Variants in ATXN10 observed in about 807,000 individuals in gnomAD.
ATXN10 encodes the protein ataxin-10.
ATXN10 carries 28 observed loss-of-function variants against 52.9 expected under a neutral mutation model. The observed-to-expected ratio is 0.53, with a 90% CI of 0.39 to 0.73. ATXN10 has a LOEUF of 0.73. Among genes scored for constraint, ATXN10 ranks in the 30% least tolerant of loss-of-function variants. The pLI is 0.00. For missense variants in ATXN10, 565 were observed against 577.0 expected (o/e 0.98, Z 0.21); for synonymous variants, 226 against 221.5 (o/e 1.02, Z -0.18).
intron 10 of ATXN10, among the ~76,000 whole-genome samples, chr22:45,814,197 C>G (rs1351318164): frequency 1.3e-5 from 2 of 152,204 alleles, no homozygotes; most frequent in African/African-American, 2.4e-5. Context: ...AAAACACTAA[C>G]TGTAAGAGAA....
chr22:45,794,142 G>A (rs1321714984), intron 9 of ATXN10, among the ~76,000 whole-genome samples: 1 of 152,170 alleles, frequency 6.6e-6, no homozygotes. Context: ...TGACATATTG[G>A]TGGGTATGTC....
chr22:45,743,728 A>C (rs904812419), intron 9 of ATXN10, among the ~76,000 whole-genome samples: 9 of 152,208 alleles, frequency 5.9e-5, no homozygotes, highest in African/African-American at 2.2e-4. Context: ...AGTGTTTACT[A>C]TGTCCTTGCA....
Position 45,773,445 on chromosome 22 carries a change from ATTAT to A in ATXN10, c.1173+32934_1173+32937del, listed in dbSNP as rs111706438. 6.5e-3 allele frequency among the ~76,000 whole-genome samples: 966 copies of A among 149,372 alleles called. 7 individuals are homozygous for A. Among genetic ancestry groups the A allele is most frequent in the South Asian group, 0.016 (74 of 4,676 alleles). ...GAACCTACTTTTTACTGAATGAAGA[ATTAT>A]TTATTTATTTATTTATTTATTTATT... is the stretch of plus-strand genomic sequence containing the variant. On this transcript the variant is annotated intron_variant, in intron 9 of 11. Transcript: ENST00000252934.
At chr22:45,813,746 A>G (rs1256509506) in intron 10 of ATXN10, among the ~76,000 whole-genome samples, 1 of 152,192 alleles carries the variant, frequency 6.6e-6, no homozygotes, top group African/African-American at 2.4e-5. Flanking sequence ...AAATGTTATC[A>G]TGCCTATAAA....
chr22:45,692,911 G>A, intron 2 of ATXN10, 85 bp from the exon 3 acceptor site: 1 of 1,084,098 alleles, frequency 9.2e-7, no homozygotes, highest in Non-Finnish European at 1.4e-6. Flanking sequence ...AGATTTCTCA[G>A]CTCTCCCATT....
Position 45,729,573 on chromosome 22 carries a change from G to T in ATXN10, c.877G>T (p.Glu293Ter). 6.2e-7 allele frequency: 1 copy of T among 1,614,090 alleles called. No individual in the cohort carries two copies. The highest frequency in any genetic ancestry group is 8.5e-7 in the Non-Finnish European group (1 of 1,180,028). ...CKTVLKLASE[E>*]PPDDEEALAT... ...GACTGTGCTCAAGCTGGCCTCTGAG[G>T]AGCCTCCTGATGATGAGGTAAGGGA... Residue 293 changes from glutamate (E) to a stop codon, truncating the protein, a stop_gained, in exon 7 of 12, where the codon GAG (glutamate) becomes TAG (stop). Coordinates refer to ENST00000252934, the MANE Select transcript of ATXN10 (RefSeq NM_013236.4). LOFTEE classifies it high-confidence loss of function.
At chr22:45,793,935 A>G (rs142782943) in intron 9 of ATXN10, among the ~76,000 whole-genome samples, 11 of 152,380 alleles carry the variant, frequency 7.2e-5, no homozygotes, top group Non-Finnish European at 1.6e-4. Flanking sequence ...GGGCTGCCCT[A>G]TAGGCAGTGT....
At chr22:45,724,296 G>A (rs1438449300) in intron 6 of ATXN10, among the ~76,000 whole-genome samples, 2 of 152,088 alleles carry the variant, frequency 1.3e-5, no homozygotes, top group Middle Eastern at 3.2e-3. Flanking sequence ...CATTGTATAT[G>A]CGTTCCTTTT....
At chr22:45,758,920 A>T (rs1271088590) in intron 9 of ATXN10, among the ~76,000 whole-genome samples, 1 of 152,246 alleles carries the variant, frequency 6.6e-6, no homozygotes, top group Non-Finnish European at 1.5e-5. Flanking sequence ...TTATGGAGTC[A>T]TAAATCATGA....
In ATXN10 at chr22:45,795,597, C is replaced by T. The variant is rs781515458; in HGVS notation, c.1174-11362C>T. 3.9e-5 allele frequency among the ~76,000 whole-genome samples: 6 copies of T among 152,020 alleles called. No individual in the cohort carries two copies. Among genetic ancestry groups the T allele is most frequent in the Non-Finnish European group, 5.9e-5 (4 of 68,002 alleles). The stretch of plus-strand genomic sequence containing the variant: ...CTAATTTTTGTATTTTTAGTAGAGA[C>T]GGTGTTTCGGGAAGTCAGGGACCCT... On this transcript the variant is annotated intron_variant, in intron 9 of 11. Transcript: ENST00000252934. The surrounding 1 kb of genome is among the most constrained non-coding windows in gnomAD (Gnocchi z 4.6).
rs1029558671 is a variant in ATXN10, at chr22:45,688,916, A to G, written c.117-796A>G. Among the ~76,000 whole-genome samples, 1 of 152,224 alleles carries G rather than the reference A, an allele frequency of 6.6e-6. No individual in the cohort carries two copies. Among genetic ancestry groups the G allele is most frequent in the Non-Finnish European group, 1.5e-5 (1 of 68,038 alleles). On this transcript the variant is annotated intron_variant, in intron 1 of 11. Coordinates refer to ENST00000252934, the MANE Select transcript of ATXN10 (RefSeq NM_013236.4). This position sits in a 1 kb window ranked among gnomAD's most constrained non-coding sequence, Gnocchi z 4.0. ...TGCATTTAGGTGCAATGTTGCACAA[A>G]AAATTCTTATCTTTAGAGCTCTGGA...
At position 45,795,415 on chromosome 22, in the gene ATXN10, A is replaced by ATTCTATTCTATTCTATTCTG. The variant is rs747787715; in HGVS notation, c.1174-11535_1174-11534insATTCTATTCTGTTCTATTCT. Among the ~76,000 whole-genome samples, 2 of 134,076 alleles carry ATTCTATTCTATTCTATTCTG rather than the reference A, an allele frequency of 1.5e-5. No individual in the cohort carries two copies. The highest frequency in any genetic ancestry group is 5.7e-5 in the African/African-American group (2 of 35,282). 88.0% of individuals were successfully genotyped at this position (134,076 alleles called of 152,430 possible). ...ATTCTATTCTATTCTATTCTATTCT[A>ATTCTATTCTATTCTATTCTG]TTCTATTCTTTTTGAGATGAAGTCT... On this transcript the variant is annotated intron_variant, in intron 9 of 11. Coordinates refer to ENST00000252934, the MANE Select transcript of ATXN10 (RefSeq NM_013236.4). The surrounding 1 kb of genome is among the most constrained non-coding windows in gnomAD (Gnocchi z 4.6).
intron 2 of ATXN10, among the ~76,000 whole-genome samples, chr22:45,692,002 T>C (rs1923401697): frequency 6.6e-6 from 1 of 152,252 alleles, no homozygotes; most frequent in Admixed American, 6.5e-5. Context: ...TTCCTGAGTA[T>C]CAGTTTTGTC....
intron 2 of ATXN10, among the ~76,000 whole-genome samples, chr22:45,692,464 G>A (rs530998650): frequency 3.9e-5 from 6 of 152,098 alleles, no homozygotes; most frequent in African/African-American, 1.4e-4. Flanking sequence ...CAACCATTTA[G>A]GGCAGCAATT....
In ATXN10 at chr22:45,784,982, T is replaced by C. The variant is rs189578909; in HGVS notation, c.1174-21977T>C. Among the ~76,000 whole-genome samples, 51 of 152,296 alleles carry C rather than the reference T, an allele frequency of 3.3e-4. No homozygotes were observed. In the East Asian group the frequency reaches 6.9e-3, roughly 21 times the overall value. The stretch of plus-strand genomic sequence containing the variant: ...AAGTATGACATTGTAGATGATGCAT[T>C]ATGGGTGGGGATTGCACCCCAAGTA... On this transcript the variant is annotated intron_variant, in intron 9 of 11. Coordinates refer to ENST00000252934, the MANE Select transcript of ATXN10 (RefSeq NM_013236.4). The surrounding 1 kb of genome is among the most constrained non-coding windows in gnomAD (Gnocchi z 4.2).
chr22:45,737,936 C>T (rs897801380), intron 7 of ATXN10, among the ~76,000 whole-genome samples: 6 of 152,076 alleles, frequency 3.9e-5, no homozygotes, highest in African/African-American at 1.4e-4. Context: ...CTCTTGACCT[C>T]AAGTGATCTT....
chr22:45,697,037 T>C (rs1923634967), intron 3 of ATXN10, among the ~76,000 whole-genome samples: 1 of 152,236 alleles, frequency 6.6e-6, no homozygotes, highest in Non-Finnish European at 1.5e-5. Flanking sequence ...TTTTTATTGA[T>C]GTGAGATTCA....
chr22:45,672,073 C>T lies in ATXN10; in HGVS notation c.10C>T (p.Pro4Ser). The T allele has an allele frequency of 1.3e-6, 2 of 1,537,458 alleles. No homozygotes were observed. Among genetic ancestry groups the T allele is most frequent in the Non-Finnish European group, 1.7e-6 (2 of 1,145,284 alleles). The change falls in exon 1 of 12, where the codon CCC becomes TCC. Residue 4 changes from proline to serine, a missense_variant. By Grantham distance (74) the Pro-to-Ser change is moderately conservative. Coordinates refer to ENST00000252934, the MANE Select transcript of ATXN10 (RefSeq NM_013236.4). ...AGCTGTGAGCGGCAAGATGGCGGCG[C>T]CCAGGCCGCCGCCTGCCAGGCTGTC... MAA[P>S]RPPPARLSGV... is the part of the protein sequence containing the mutation.
rs1323084625 is a variant in ATXN10 at position 45,718,692 on chromosome 22, A to G, written c.728+199A>G. 6.6e-6 allele frequency among the ~76,000 whole-genome samples: 1 copy of G among 152,210 alleles called. No individual in the cohort carries two copies. The highest frequency in any genetic ancestry group is 2.4e-5 in the African/African-American group (1 of 41,454). On this transcript the variant is annotated intron_variant, in intron 6 of 11. Coordinates refer to ENST00000252934, the MANE Select transcript of ATXN10 (RefSeq NM_013236.4). This position sits in a 1 kb window ranked among gnomAD's most constrained non-coding sequence, Gnocchi z 4.4. The stretch of plus-strand genomic sequence containing the variant: ...GCAGTGATTTATGGAGGGTAGCAGG[A>G]TCCAGGTTGGTGCCATTATTCAGTA...
Sources: allele counts gnomAD v4.1 joint callset (sites outside exome capture counted in the v4.1 genomes callset), GRCh38; gene constraint gnomAD v4.1.1; non-coding constraint Gnocchi (gnomAD v3.1); transcripts MANE v1.5; gene names NCBI Gene and HGNC (gene_info 2026-07-23, HGNC 2026-07-21).